Variants in AUP1 observed in about 807,000 individuals in gnomAD.
The protein encoded by AUP1 is AUP1 lipid droplet regulating VLDL assembly factor, also known as lipid droplet-regulating VLDL assembly factor AUP1.
In AUP1, 30 loss-of-function variants were observed where a neutral mutation model predicts 51.8. That is an observed-to-expected ratio of 0.58 (90% CI 0.43 to 0.79). The LOEUF (loss-of-function observed/expected upper bound fraction) is 0.79, where lower values mean the gene tolerates loss of function less well. Among genes scored for constraint, AUP1 ranks in the 30% least tolerant of loss-of-function variants. AUP1 has a pLI of 0.00. For missense variants in AUP1, 492 were observed against 517.1 expected, an observed-to-expected ratio of 0.95 and a Z score of 0.47; for synonymous variants, 227 against 209.0, an observed-to-expected ratio of 1.09 and a Z score of -0.74.
chr2:74,527,754 TG>T lies in AUP1; in HGVS notation c.822del (p.Arg275AspfsTer52). On this transcript the variant is annotated frameshift_variant, in exon 8 of 12. Coordinates refer to ENST00000377526, the MANE Select transcript of AUP1 (RefSeq NM_181575.5). LOFTEE classifies it high-confidence loss of function. ...CACATACCTGACTGGGGGCGCAATC[TG>T]GGGTGTCTTTGTCGCTTCATGTGCT... ...KAEHMKRQRH[P>X]RLRPQSAQSS... 3 of 1,613,744 alleles carry T rather than the reference TG, an allele frequency of 1.9e-6. No individual in the cohort carries two copies. The highest frequency in any genetic ancestry group is 2.5e-6 in the Non-Finnish European group (3 of 1,179,958).
At position 74,526,958 on chromosome 2, in the gene AUP1, T is replaced by C. The variant is rs377410884; in HGVS notation, c.1179A>G (p.Leu393=). 208 of 1,614,196 alleles carry C rather than the reference T, an allele frequency of 1.3e-4. 3 individuals are homozygous for C. The highest frequency in any genetic ancestry group is 9.7e-4 in the African/African-American group (73 of 75,066). Residue 393 remains leucine, a synonymous_variant, in exon 11 of 12, where the codon CTA becomes CTG. Coordinates refer to ENST00000377526, the MANE Select transcript of AUP1 (RefSeq NM_181575.5). ...QESLQERKQA[L]YEYARRRFTE... is the part of the protein sequence containing the mutation. ...CCCCTCACCTTCTTGCGTATTCATATAGTGCTTGCTTGCGCTCCTGCAGGC... is the reference window on the plus strand; with the variant it reads ...CCCCTCACCTTCTTGCGTATTCATACAGTGCTTGCTTGCGCTCCTGCAGGC...
In AUP1 at chr2:74,527,749, C is replaced by T; in HGVS notation, c.828G>A (p.Leu276=). The T allele has an allele frequency of 1.2e-6, 2 of 1,613,914 alleles. No individual in the cohort carries two copies. Among genetic ancestry groups the T allele is most frequent in the Non-Finnish European group, 1.7e-6 (2 of 1,179,970 alleles). ...EHMKRQRHPR[L]RPQSAQSSFP... is the part of the protein sequence containing the mutation. ...GAGACCACATACCTGACTGGGGGCG[C>T]AATCTGGGGTGTCTTTGTCGCTTCA... is the stretch of plus-strand genomic sequence containing the variant. Residue 276 remains leucine (L), a synonymous_variant, in exon 8 of 12, where the codon TTG becomes TTA. Transcript: ENST00000377526.
chr2:74,529,073 G>A lies in AUP1; in HGVS notation c.339+59C>T, dbSNP rs759061585. On this transcript the variant is annotated intron_variant, in intron 3 of 11. Transcript: ENST00000377526. ...GGGGAACGCGAGTGGGGACAGGGGG[G>A]CCTTCAGCTGGGCCCCAGGGAACCG... 3.1e-6 allele frequency: 5 copies of A among 1,612,720 alleles called. No homozygotes were observed. The Admixed American group carries it at 6.7e-5, about 21-fold the overall frequency.
chr2:74,527,910 C>T (rs376899027), intron 7 of AUP1, 30 bp downstream of exon 7: 14 of 1,613,776 alleles, frequency 8.7e-6, no homozygotes, highest in South Asian at 3.3e-5. Context: ...GCAGGGACCC[C>T]GCCTCCACCC....
intron 6 of AUP1, 43 bp downstream of exon 6, chr2:74,528,205 G>T: frequency 6.3e-7 from 1 of 1,576,892 alleles, no homozygotes; most frequent in Non-Finnish European, 8.7e-7. Flanking sequence ...TGACCTTGAG[G>T]TGAGCCTCTC....
Position 74,529,267 on chromosome 2 carries a change from G to T in AUP1, c.204C>A (p.Thr68=), listed in dbSNP as rs770306665. 2.7e-5 allele frequency: 44 copies of T among 1,614,100 alleles called. No homozygotes were observed. Among genetic ancestry groups the T allele is most frequent in the Middle Eastern group, 3.3e-4 (2 of 6,084 alleles). Residue 68 remains threonine (T), a synonymous_variant, in exon 3 of 12, where the codon ACC becomes ACA. Transcript: ENST00000377526. Reference sequence around the variant, plus strand: ...CCACGAGCCCTAGCACCGCACACATGGTCCGCACTACGAATCTGGGGACAC... The same window carrying T: ...CCACGAGCCCTAGCACCGCACACATTGTCCGCACTACGAATCTGGGGACAC... ...DSVLRRFVVR[T]MCAVLGLVAR...
chr2:74,529,339 T>TC (rs753544200), intron 2 of AUP1, 23 bp downstream of exon 2: 1 of 1,613,138 alleles, frequency 6.2e-7, no homozygotes, highest in South Asian at 1.1e-5. Context: ...GCTCTGACAC[T>TC]CCCCGAACGC....
In AUP1 at chr2:74,529,258, C is replaced by G. The variant is rs771283342; in HGVS notation, c.213G>C (p.Ala71=). 15 of 1,614,134 alleles carry G rather than the reference C, an allele frequency of 9.3e-6. No homozygotes were observed. Among genetic ancestry groups the G allele is most frequent in the Non-Finnish European group, 1.3e-5 (15 of 1,180,052 alleles). The part of the protein sequence containing the change: ...LRRFVVRTMC[A]VLGLVARQED... ...CCTGCCGGGCCACGAGCCCTAGCAC[C>G]GCACACATGGTCCGCACTACGAATC... is the stretch of plus-strand genomic sequence containing the variant. The change falls in exon 3 of 12, where the codon GCG becomes GCC. Residue 71 remains alanine, a synonymous_variant. Coordinates refer to ENST00000377526, the MANE Select transcript of AUP1 (RefSeq NM_181575.5).
rs758847485 is a variant in AUP1, at chr2:74,528,826, C to T, written c.449G>A (p.Arg150Lys). 1.9e-6 allele frequency: 3 copies of T among 1,614,018 alleles called. No homozygotes were observed. The highest frequency in any genetic ancestry group is 2.7e-5 in the African/African-American group (2 of 74,924). Residue 150 changes from arginine (R) to lysine (K), a missense_variant, in exon 4 of 12, where the codon AGG (arginine) becomes AAG (lysine). By Grantham distance (26) the Arg-to-Lys change is conservative. Coordinates refer to ENST00000377526, the MANE Select transcript of AUP1 (RefSeq NM_181575.5). ...TAGCAGCAGAGGAGTGGGGGGAAGCCTCGTGGAAGCACAGAATCTCTTGAG... is the reference window on the plus strand; with the variant it reads ...TAGCAGCAGAGGAGTGGGGGGAAGCTTCGTGGAAGCACAGAATCTCTTGAG... ...ESLKRFCASTRLPPTPLLLFP... is the reference protein window; with the variant it reads ...ESLKRFCASTKLPPTPLLLFP...
Position 74,529,294 on chromosome 2 carries a change from G to A in AUP1, c.189-12C>T, listed in dbSNP as rs1675384434. Reference sequence around the variant, plus strand: ...TCCGCACTACGAATCTGGGGACACAGGAGGTGGTGACTGTGTGGCCTCGGG... The same window carrying A: ...TCCGCACTACGAATCTGGGGACACAAGAGGTGGTGACTGTGTGGCCTCGGG... On this transcript the variant is annotated splice_polypyrimidine_tract_variant and intron_variant, in intron 2 of 11. Coordinates refer to ENST00000377526, the MANE Select transcript of AUP1 (RefSeq NM_181575.5). 1 of 1,614,050 alleles carries A rather than the reference G, an allele frequency of 6.2e-7. No homozygotes were observed. Among genetic ancestry groups the A allele is most frequent in the African/African-American group, 1.3e-5 (1 of 74,958 alleles).
chr2:74,528,769 T>C lies in AUP1; in HGVS notation c.506A>G (p.Glu169Gly). ...AACCCACCTGAAGCGCAGGAGCCCC[T>C]CCCGGCCATTGGTGGCCTCTTCCTC... ...FPEEEATNGREGLLRFSSWPF... is the reference protein window; with the variant it reads ...FPEEEATNGRGGLLRFSSWPF... The change falls in exon 4 of 12, where the codon GAG becomes GGG. Residue 169 changes from glutamate to glycine, a missense_variant. Coordinates refer to ENST00000377526, the MANE Select transcript of AUP1 (RefSeq NM_181575.5). 1 of 1,606,734 alleles carries C rather than the reference T, an allele frequency of 6.2e-7. No homozygotes were observed. The highest frequency in any genetic ancestry group is 8.5e-7 in the Non-Finnish European group (1 of 1,176,262).
chr2:74,527,506 G>T lies in AUP1; in HGVS notation c.926C>A (p.Pro309His). The T allele has an allele frequency of 6.2e-7, 1 of 1,613,870 alleles. No individual in the cohort carries two copies. Among genetic ancestry groups the T allele is most frequent in the Non-Finnish European group, 8.5e-7 (1 of 1,179,932 alleles). ...CTGGATGACACCCAATGGCACATGG[G>T]GCAAAACTTCCTTGACTCTCTGAGC... ...TLAQRVKEVL[P>H]HVPLGVIQRD... is the part of the protein sequence containing the mutation. Residue 309 changes from proline (P) to histidine (H), a missense_variant, in exon 9 of 12, where the codon CCC becomes CAC. Physicochemically the swap from Pro to His is moderately conservative, Grantham distance 77. Transcript: ENST00000377526.
At chr2:74,527,697 A>G (rs1281973094) in intron 8 of AUP1, 39 bp downstream of exon 8, 6 of 1,592,800 alleles carry the variant, frequency 3.8e-6, no homozygotes, top group Non-Finnish European at 5.1e-6. Context: ...GGCCGAAAAA[A>G]AAAAACCCCA....
At chr2:74,529,069 G>C (rs766905811) in intron 3 of AUP1, 63 bp downstream of exon 3, 11 of 1,611,692 alleles carry the variant, frequency 6.8e-6, no homozygotes, top group African/African-American at 1.3e-5. Flanking sequence ...GTGGGGACAG[G>C]GGGGCCTTCA....
Position 74,528,708 on chromosome 2 carries a change from G to A in AUP1, c.524+43C>T, listed in dbSNP as rs755200016. 4 of 1,549,190 alleles carry A rather than the reference G, an allele frequency of 2.6e-6. No individual in the cohort carries two copies. In the African/African-American group the frequency reaches 4.1e-5, roughly 16 times the overall value. ...TAAAAACTCAAGGGCCCACAAGCTTGACCACCTACCCAGCTGGCGCCCCAT... is the reference window on the plus strand; with the variant it reads ...TAAAAACTCAAGGGCCCACAAGCTTAACCACCTACCCAGCTGGCGCCCCAT... On this transcript the variant is annotated intron_variant, in intron 4 of 11. Coordinates refer to ENST00000377526, the MANE Select transcript of AUP1 (RefSeq NM_181575.5).
chr2:74,527,632 T>G (rs1437130615), intron 8 of AUP1, 42 bp from the exon 9 acceptor site: 1 of 1,588,578 alleles, frequency 6.3e-7, no homozygotes, highest in Non-Finnish European at 8.5e-7. Flanking sequence ...TTCTGGTAAG[T>G]AGAGAACTAG....
At position 74,529,625 on chromosome 2, in the gene AUP1, T is replaced by C; in HGVS notation, c.5A>G (p.Glu2Gly). 6.4e-7 allele frequency: 1 copy of C among 1,567,930 alleles called. No individual in the cohort carries two copies. The highest frequency in any genetic ancestry group is 8.6e-7 in the Non-Finnish European group (1 of 1,157,678). ...CTCCGGCCCCGGCCCTGAGGGAAGCTCCATAACTGCTGCTTCAGGAGCGCC... is the reference window on the plus strand; with the variant it reads ...CTCCGGCCCCGGCCCTGAGGGAAGCCCCATAACTGCTGCTTCAGGAGCGCC... M[E>G]LPSGPGPERL... is the part of the protein sequence containing the mutation. The change falls in exon 1 of 12, where the codon GAG (glutamate) becomes GGG (glycine). Residue 2 changes from glutamate (E) to glycine (G), a missense_variant. Transcript: ENST00000377526.
At position 74,526,769 on chromosome 2, in the gene AUP1, C is replaced by T. The variant is rs529674280; in HGVS notation, c.*31G>A. The T allele has an allele frequency of 4.1e-4, 624 of 1,518,798 alleles. 4 individuals carry two copies. In the South Asian group the frequency reaches 7.3e-3, roughly 18 times the overall value. The allele number at this position is 1,518,798 out of a possible 1,614,324, so 94.1% of individuals were successfully genotyped here. On this transcript the variant is annotated 3_prime_UTR_variant, in exon 12 of 12. Transcript: ENST00000377526. ...AGGGCTGCCCCCAGTCTCCGTCCTG[C>T]GGCTCTGGGTGCCATCCTGTTCCTT...
At position 74,527,036 on chromosome 2, in the gene AUP1, G is replaced by A. The variant is rs760251494; in HGVS notation, c.1101C>T (p.Thr367=). ...ASKFPSSGPV[T]PQPTALTFAK... Reference sequence around the variant, plus strand: ...CAAATGTTAGGGCTGTTGGCTGAGGGGTCACCGGGCCAGAGCTGGGAAACT... The same window carrying A: ...CAAATGTTAGGGCTGTTGGCTGAGGAGTCACCGGGCCAGAGCTGGGAAACT... Residue 367 remains threonine, a synonymous_variant, in exon 11 of 12, where the codon ACC becomes ACT. Transcript: ENST00000377526. 1.2e-5 allele frequency: 20 copies of A among 1,614,050 alleles called. No homozygotes were observed. The highest frequency in any genetic ancestry group is 2.7e-5 in the African/African-American group (2 of 74,924).
Sources: gnomAD v4.1 joint callset for allele counts on GRCh38, gnomAD v4.1.1 for gene constraint, MANE v1.5 for transcripts, NCBI Gene and HGNC (gene_info 2026-07-23, HGNC 2026-07-21) for gene names.